Variants in NTM observed in about 807,000 individuals in gnomAD.
NTM encodes neurotrimin, also known as IgLON family member 2.
In NTM, 13 loss-of-function variants were observed where a neutral mutation model predicts 42.1. The observed-to-expected ratio is 0.31, with a 90% CI of 0.20 to 0.49. NTM has a LOEUF of 0.49. Ranked by LOEUF, NTM falls within the 20% of genes least tolerant of loss-of-function variation. The probability of loss-of-function intolerance (pLI) is 0.99; values close to 1 mark genes in which losing one functional copy is unlikely to be tolerated. For missense variants in NTM, 373 were observed against 452.8 expected (o/e 0.82, Z 1.60); for synonymous variants, 187 against 179.2 (o/e 1.04, Z -0.35).
At chr11:132,216,707 G>A (rs751792602) in intron 4 of NTM, among the ~76,000 whole-genome samples, 1 of 152,230 alleles carries the variant, frequency 6.6e-6, no homozygotes, top group Non-Finnish European at 1.5e-5. Flanking sequence ...CACCTAGGAA[G>A]TGTTTAATAA....
chr11:132,298,334 A>AT (rs908315633), intron 4 of NTM, among the ~76,000 whole-genome samples: 28 of 152,186 alleles, frequency 1.8e-4, no homozygotes, highest in African/African-American at 5.3e-4. Flanking sequence ...TTTTATTTTT[A>AT]TTTTTTTAGC....
chr11:131,551,544 A>G (rs970307858), intron 1 of NTM, among the ~76,000 whole-genome samples: 4 of 152,214 alleles, frequency 2.6e-5, no homozygotes, highest in African/African-American at 9.6e-5. Context: ...CCAATTTAGC[A>G]TTGGTAAAAC....
chr11:132,262,213 T>G (rs2092905274), intron 4 of NTM, among the ~76,000 whole-genome samples: 1 of 152,268 alleles, frequency 6.6e-6, no homozygotes, highest in Admixed American at 6.5e-5. Flanking sequence ...CCCAGAGAAT[T>G]ATTTGTTAGC....
chr11:131,599,287 C>T lies in NTM; in HGVS notation c.82+228399C>T, dbSNP rs1199392475. ...ACCCAGTCTCCAGCAGATGCCCTGT[C>T]TACCCAGTCTCCGGCAGATGCCCTG... is the stretch of plus-strand genomic sequence containing the variant. On this transcript the variant is annotated intron_variant, in intron 1 of 8. Coordinates refer to ENST00000683400, the MANE Select transcript of NTM (RefSeq NM_001352005.2). Among the ~76,000 whole-genome samples, 2 of 150,464 alleles carry T rather than the reference C, an allele frequency of 1.3e-5. 1 individual carries two copies. The highest frequency in any genetic ancestry group is 1.3e-4 in the Admixed American group (2 of 15,176).
chr11:132,125,280 T>A (rs2065488333), intron 2 of NTM, among the ~76,000 whole-genome samples: 1 of 64,930 alleles, frequency 1.5e-5, no homozygotes, highest in African/African-American at 7.7e-5. Flanking sequence ...TGTACTGGTG[T>A]GTGTTTGTGT....
At chr11:132,286,031 C>T (rs1433085696) in intron 4 of NTM, among the ~76,000 whole-genome samples, 2 of 152,172 alleles carry the variant, frequency 1.3e-5, no homozygotes, top group African/African-American at 4.8e-5. Flanking sequence ...GACCTATCAC[C>T]CCAAGCACTT....
intron 1 of NTM, among the ~76,000 whole-genome samples, chr11:131,860,295 G>A (rs577754678): frequency 3.3e-5 from 5 of 152,304 alleles, no homozygotes; most frequent in African/African-American, 9.6e-5. Context: ...CTTTATTCCT[G>A]TGCCATGGTG....
At chr11:131,810,643 A>G (rs1401377871) in intron 1 of NTM, among the ~76,000 whole-genome samples, 1 of 152,210 alleles carries the variant, frequency 6.6e-6, no homozygotes, top group African/African-American at 2.4e-5. Context: ...TTTATTGCTT[A>G]GGAGATATTC....
intron 1 of NTM, among the ~76,000 whole-genome samples, chr11:131,774,480 T>A (rs2086642838): frequency 6.6e-6 from 1 of 152,244 alleles, no homozygotes; most frequent in African/African-American, 2.4e-5. Context: ...GTTTTCTTTC[T>A]GAAATAGTCT....
chr11:132,282,976 C>CTTTTTTTTTTTTTTT (rs142817071), intron 4 of NTM, among the ~76,000 whole-genome samples: 2,315 of 108,688 alleles, frequency 0.021, 170 homozygotes, highest in East Asian at 0.041. Context: ...TCCTTTATTC[C>CTTTTTTTTTTTTTTT]TTTTTTTTTT....
intron 1 of NTM, among the ~76,000 whole-genome samples, chr11:131,724,647 C>G (rs890945000): frequency 2.6e-5 from 4 of 152,170 alleles, no homozygotes; most frequent in Admixed American, 1.3e-4. Flanking sequence ...TTTCAAAACC[C>G]GCAGCCCCTC....
intron 1 of NTM, among the ~76,000 whole-genome samples, chr11:131,906,640 C>T (rs2053898165): frequency 1.3e-5 from 2 of 152,164 alleles, no homozygotes; most frequent in Admixed American, 6.5e-5. Flanking sequence ...TTGATTTTGG[C>T]TTGTTCATCC....
intron 1 of NTM, among the ~76,000 whole-genome samples, chr11:131,824,978 C>G (rs145420723): frequency 6.6e-6 from 1 of 152,052 alleles, no homozygotes; most frequent in Non-Finnish European, 1.5e-5. Context: ...TAAAGTATTG[C>G]GAAATGGATG....
At chr11:131,469,308 T>C (rs1952195069) in intron 1 of NTM, among the ~76,000 whole-genome samples, 1 of 152,212 alleles carries the variant, frequency 6.6e-6, no homozygotes, top group Non-Finnish European at 1.5e-5. Flanking sequence ...ACATATATTA[T>C]CTCACTTAAT....
At chr11:131,585,258 A>G (rs1447430417) in intron 1 of NTM, among the ~76,000 whole-genome samples, 1 of 152,078 alleles carries the variant, frequency 6.6e-6, no homozygotes, top group African/African-American at 2.4e-5. Flanking sequence ...TTTTTGCACC[A>G]TGCACATGTA....
chr11:131,437,500 A>G (rs536881683), intron 1 of NTM, among the ~76,000 whole-genome samples: 1 of 152,174 alleles, frequency 6.6e-6, no homozygotes, highest in Non-Finnish European at 1.5e-5. Context: ...TAGGATAGTT[A>G]GCTCTTCTTG....
chr11:131,611,062 G>C (rs1237028991), intron 1 of NTM, among the ~76,000 whole-genome samples: 1 of 152,138 alleles, frequency 6.6e-6, no homozygotes, highest in Non-Finnish European at 1.5e-5. Context: ...TATAAGAATG[G>C]GAAAGAGGCG....
intron 1 of NTM, among the ~76,000 whole-genome samples, chr11:131,626,784 C>G (rs1052576409): frequency 1.3e-5 from 2 of 152,216 alleles, no homozygotes; most frequent in Non-Finnish European, 2.9e-5. Context: ...TTCTCCCCAA[C>G]AAAACGATTG....
At chr11:131,886,208 T>A (rs2050364597) in intron 1 of NTM, among the ~76,000 whole-genome samples, 1 of 152,156 alleles carries the variant, frequency 6.6e-6, no homozygotes, top group South Asian at 2.1e-4. Context: ...TTTCTAGCCA[T>A]CCTTCCCTGC....
Sources: allele counts gnomAD v4.1 joint callset (sites outside exome capture counted in the v4.1 genomes callset), GRCh38; gene constraint gnomAD v4.1.1; transcripts MANE v1.5; gene names NCBI Gene and HGNC (gene_info 2026-07-23, HGNC 2026-07-21).